The following HBD variants were observed in gnomAD, a reference collection of about 807,000 sequenced individuals.
HBD encodes delta globin.
HBD carries 11 observed loss-of-function variants against 9.2 expected under a neutral mutation model. That is an observed-to-expected ratio of 1.20 (90% CI 0.76 to 1.99). The LOEUF is 1.99. Among genes scored for constraint, HBD ranks in the 30% most tolerant of loss-of-function variants. HBD has a pLI of 0.00. For synonymous variants in HBD, 83 were observed against 69.4 expected (o/e 1.20, Z -0.98); for missense variants, 189 against 174.3 (o/e 1.08, Z -0.47).
chr11:5,232,868 C>A lies in HBD; in HGVS notation c.*96G>T, dbSNP rs1042760103. ...CTGAACATTCTTTATTAGGCAGAAG[C>A]CATACCCTTGAAGTAGGCATTGTGT... On this transcript the variant is annotated 3_prime_UTR_variant, in exon 3 of 3. Coordinates refer to ENST00000650601, the MANE Select transcript of HBD (RefSeq NM_000519.4). 7.4e-6 allele frequency: 12 copies of A among 1,612,826 alleles called. No homozygotes were observed. Among genetic ancestry groups the A allele is most frequent in the African/African-American group, 1.3e-5 (1 of 74,880 alleles).
intron 2 of HBD, 82 bp downstream of exon 2, chr11:5,233,908 TG>T: frequency 8.9e-7 from 1 of 1,119,918 alleles, no homozygotes; most frequent in Non-Finnish European, 1.4e-6. Context: ...GACAAAAATG[TG>T]GGAGAAGAGC....
rs34289459 is a variant in HBD at position 5,234,353 on chromosome 11, C to G, written c.81G>C (p.Glu27Asp). The G allele has an allele frequency of 1.2e-6, 2 of 1,613,934 alleles. No homozygotes were observed. Among genetic ancestry groups the G allele is most frequent in the Non-Finnish European group, 1.7e-6 (2 of 1,179,798 alleles). The change falls in exon 1 of 3, where the codon GAG becomes GAC. Residue 27 changes from glutamate (E) to aspartate (D), a missense_variant. Transcript: ENST00000650601. Reference protein sequence around the residue: ...GKVNVDAVGGEALGRLLVVYP... With the variant: ...GKVNVDAVGGDALGRLLVVYP... Reference sequence around the variant, plus strand: ...ACCTTGATACCAACCTGCCCAGGGCCTCACCACCAACTGCATCCACGTTCA... The same window carrying G: ...ACCTTGATACCAACCTGCCCAGGGCGTCACCACCAACTGCATCCACGTTCA...
At chr11:5,234,241 CAG>C (rs1441191461) in intron 1 of HBD, 28 bp from the exon 2 acceptor site, 2 of 1,606,678 alleles carry the variant, frequency 1.2e-6, no homozygotes, top group South Asian at 1.1e-5. Flanking sequence ...GCCCAAGGGA[CAG>C]AGAGTCAGTG....
chr11:5,232,897 C>T lies in HBD; in HGVS notation c.*67G>A. 1 of 1,612,868 alleles carries T rather than the reference C, an allele frequency of 6.2e-7. No individual in the cohort carries two copies. The highest frequency in any genetic ancestry group is 8.5e-7 in the Non-Finnish European group (1 of 1,178,928). On this transcript the variant is annotated 3_prime_UTR_variant, in exon 3 of 3. Coordinates refer to ENST00000650601, the MANE Select transcript of HBD (RefSeq NM_000519.4). ...ACCCTTGAAGTAGGCATTGTGTTCC[C>T]AAGTTCAGAAAATAGAATCTAGGGA...
chr11:5,234,027 G>T lies in HBD; in HGVS notation c.279C>A (p.His93Gln), dbSNP rs1847704010. ...CAGGATCCACGTGCAGCTTGTCACA[G>T]TGCAGCTCACTCAGCTGAGAAAAAG... ...KGTFSQLSEL[H>Q]CDKLHVDPEN... The change falls in exon 2 of 3, where the codon CAC becomes CAA. Residue 93 changes from histidine (H) to glutamine (Q), a missense_variant. His to Gln is a conservative substitution (Grantham distance 24). Coordinates refer to ENST00000650601, the MANE Select transcript of HBD (RefSeq NM_000519.4). The T allele has an allele frequency of 1.2e-6, 2 of 1,614,110 alleles. No individual in the cohort carries two copies. The highest frequency in any genetic ancestry group is 1.7e-6 in the Non-Finnish European group (2 of 1,180,004).
chr11:5,233,948 T>C (rs749165451), intron 2 of HBD, 43 bp downstream of exon 2: 4 of 1,572,378 alleles, frequency 2.5e-6, no homozygotes, highest in Admixed American at 1.7e-5. Flanking sequence ...AAATGTAAGA[T>C]TAGAAAGTAA....
At chr11:5,233,906 T>A (rs1030344618) in intron 2 of HBD, 85 bp downstream of exon 2, 1 of 1,109,300 alleles carries the variant, frequency 9.0e-7, no homozygotes, top group Non-Finnish European at 1.4e-6. Context: ...ATGACAAAAA[T>A]GTGGGAGAAG....
At chr11:5,233,879 T>C (rs903161760) in intron 2 of HBD, 112 bp downstream of exon 2, 36 of 853,988 alleles carry the variant, frequency 4.2e-5, no homozygotes, top group Non-Finnish European at 5.5e-5. Flanking sequence ...AAGCATTAAA[T>C]GATAAAATAT....
At position 5,234,000 on chromosome 11, in the gene HBD, C is replaced by T. The variant is rs1847702942; in HGVS notation, c.306G>A (p.Glu102=). Residue 102 remains glutamate (E), a synonymous_variant, in exon 2 of 3, where the codon GAG becomes GAA. Coordinates refer to ENST00000650601, the MANE Select transcript of HBD (RefSeq NM_000519.4). ...LHCDKLHVDP[E]NFRLLGNVLV... ...CATCTCCTGGACTCACCCTGAAGTT[C>T]TCAGGATCCACGTGCAGCTTGTCAC... 1 of 1,613,892 alleles carries T rather than the reference C, an allele frequency of 6.2e-7. No individual in the cohort carries two copies. The highest frequency in any genetic ancestry group is 8.5e-7 in the Non-Finnish European group (1 of 1,179,832).
In HBD at chr11:5,232,840, G is replaced by A. The variant is rs1847686586; in HGVS notation, c.*124C>T. On this transcript the variant is annotated 3_prime_UTR_variant, in exon 3 of 3. Coordinates refer to ENST00000650601, the MANE Select transcript of HBD (RefSeq NM_000519.4). ...AATAAGTGAAATTAATCAGGAAGTT[G>A]AGCTGAACATTCTTTATTAGGCAGA... 6.2e-7 allele frequency: 1 copy of A among 1,613,318 alleles called. No homozygotes were observed. The highest frequency in any genetic ancestry group is 1.3e-5 in the African/African-American group (1 of 74,866).
chr11:5,233,358 AAATT>A (rs1219470099), intron 2 of HBD, among the ~76,000 whole-genome samples: 3 of 152,190 alleles, frequency 2.0e-5, no homozygotes, highest in Admixed American at 6.5e-5. Context: ...TACTATATAC[AAATT>A]AATTCCAAAT....
chr11:5,233,197 G>A, intron 2 of HBD, 105 bp from the exon 3 acceptor site: 1 of 1,101,888 alleles, frequency 9.1e-7, no homozygotes, highest in Non-Finnish European at 1.4e-6. Flanking sequence ...CCAAATCTTA[G>A]ACAAAACTGA....
chr11:5,234,482 G>T lies in HBD; in HGVS notation c.-49C>A. ...GAACACTGTTATGTCAGAAGAAAGT[G>T]TAAGCAACAGTCGACTCTGCCCTGC... On this transcript the variant is annotated 5_prime_UTR_variant, in exon 1 of 3. Coordinates refer to ENST00000650601, the MANE Select transcript of HBD (RefSeq NM_000519.4). 7.4e-7 allele frequency: 1 copy of T among 1,348,336 alleles called. No individual in the cohort carries two copies. The highest frequency in any genetic ancestry group is 1.1e-6 in the Non-Finnish European group (1 of 937,516). 83.5% of individuals were successfully genotyped at this position (1,348,336 alleles called of 1,614,324 possible).
chr11:5,234,333 G>C lies in HBD; in HGVS notation c.92+9C>G. The C allele has an allele frequency of 6.2e-7, 1 of 1,612,632 alleles. No homozygotes were observed. The highest frequency in any genetic ancestry group is 8.5e-7 in the Non-Finnish European group (1 of 1,178,684). On this transcript the variant is annotated intron_variant, in intron 1 of 2. Transcript: ENST00000650601. The stretch of plus-strand genomic sequence containing the variant: ...CTCCTTGAGCCTCTCTTATAACCTT[G>C]ATACCAACCTGCCCAGGGCCTCACC...
chr11:5,234,239 G>C (rs761431322), intron 1 of HBD, 26 bp from the exon 2 acceptor site: 26 of 1,606,198 alleles, frequency 1.6e-5, no homozygotes, highest in Non-Finnish European at 2.2e-5. Flanking sequence ...CAGCCCAAGG[G>C]ACAGAGAGTC....
chr11:5,233,214 G>C, intron 2 of HBD, 122 bp from the exon 3 acceptor site: 4 of 907,160 alleles, frequency 4.4e-6, no homozygotes, highest in Non-Finnish European at 7.1e-6. Flanking sequence ...CTGATCCCCA[G>C]GTTATTCCCA....
chr11:5,234,172 G>C lies in HBD; in HGVS notation c.134C>G (p.Ser45Cys). The change falls in exon 2 of 3, where the codon TCC (serine) becomes TGC (cysteine). Residue 45 changes from serine (S) to cysteine (C), a missense_variant. Transcript: ENST00000650601. Reference protein sequence around the residue: ...VYPWTQRFFESFGDLSSPDAV... With the variant: ...VYPWTQRFFECFGDLSSPDAV... ...ATCAGGAGAGGACAGATCCCCAAAGGACTCAAAGAACCTCTGGGTCCAAGG... is the reference window on the plus strand; with the variant it reads ...ATCAGGAGAGGACAGATCCCCAAAGCACTCAAAGAACCTCTGGGTCCAAGG... 1 of 1,614,086 alleles carries C rather than the reference G, an allele frequency of 6.2e-7. No homozygotes were observed. Among genetic ancestry groups the C allele is most frequent in the East Asian group, 2.2e-5 (1 of 44,874 alleles).
In HBD at chr11:5,232,905, G is replaced by C. The variant is rs755421119; in HGVS notation, c.*59C>G. The C allele has an allele frequency of 1.4e-5, 23 of 1,612,628 alleles. No homozygotes were observed. In the African/African-American group the frequency reaches 2.7e-4, roughly 19 times the overall value. On this transcript the variant is annotated 3_prime_UTR_variant, in exon 3 of 3. Transcript: ENST00000650601. ...AGTAGGCATTGTGTTCCCAAGTTCA[G>C]AAAATAGAATCTAGGGAAATAGGGT... is the stretch of plus-strand genomic sequence containing the variant.
chr11:5,233,323 C>T (rs1213755110), intron 2 of HBD, among the ~76,000 whole-genome samples: 2 of 152,092 alleles, frequency 1.3e-5, no homozygotes, highest in African/African-American at 4.8e-5. Context: ...TATATATGTA[C>T]ATATATGCTA....
Sources: allele counts gnomAD v4.1 joint callset (sites outside exome capture counted in the v4.1 genomes callset), GRCh38; gene constraint gnomAD v4.1.1; transcripts MANE v1.5; gene names NCBI Gene and HGNC (gene_info 2026-07-23, HGNC 2026-07-21).